Variants in CFAP20 observed in about 807,000 individuals in gnomAD.
The protein encoded by CFAP20 is cilia- and flagella-associated protein 20.
CFAP20 carries 14 observed loss-of-function variants against 25.5 expected under a neutral mutation model. The observed-to-expected ratio is 0.55, with a 90% CI of 0.36 to 0.86. CFAP20 has a LOEUF of 0.86. Ranked by LOEUF, CFAP20 falls within the 40% of genes least tolerant of loss-of-function variation. The pLI is 0.01. For synonymous variants in CFAP20, 75 were observed against 91.1 expected, an observed-to-expected ratio of 0.82 and a Z score of 1.01; for missense variants, 181 against 248.0, an observed-to-expected ratio of 0.73 and a Z score of 1.81.
chr16:58,124,399 A>T (rs1042850196), intron 1 of CFAP20, among the ~76,000 whole-genome samples: 31 of 152,226 alleles, frequency 2.0e-4, no homozygotes, highest in African/African-American at 7.2e-4. Context: ...TGCATTGCTT[A>T]AGGATGGGAT....
chr16:58,116,190 A>ACTCT (rs1440636502), intron 2 of CFAP20, 38 bp from the exon 3 acceptor site: 1 of 1,434,592 alleles, frequency 7.0e-7, no homozygotes, highest in African/African-American at 1.4e-5. Flanking sequence ...ACACTCCTGG[A>ACTCT]CTCTCTTCCT....
At position 58,116,872 on chromosome 16, in the gene CFAP20, C is replaced by T. The variant is rs375028807; in HGVS notation, c.164G>A (p.Ser55Asn). The change falls in exon 2 of 6, where the codon AGC (serine) becomes AAC (asparagine). Residue 55 changes from serine to asparagine, a missense_variant and splice_region_variant. By Grantham distance (46) the Ser-to-Asn change is conservative. Transcript: ENST00000262498. ...LVLEIEGTNVSTTYITCPADP... is the reference protein window; with the variant it reads ...LVLEIEGTNVNTTYITCPADP... Reference sequence around the variant, plus strand: ...TGGGAGAACAGAGGTGGCAACCTACCTTACATTTGTCCCTTCAATCTCTAG... The same window carrying T: ...TGGGAGAACAGAGGTGGCAACCTACTTTACATTTGTCCCTTCAATCTCTAG... 17 of 1,613,700 alleles carry T rather than the reference C, an allele frequency of 1.1e-5. No individual in the cohort carries two copies. The highest frequency in any genetic ancestry group is 1.4e-5 in the Non-Finnish European group (16 of 1,179,720).
At chr16:58,117,042 C>A in intron 1 of CFAP20, 91 bp from the exon 2 acceptor site, 1 of 1,184,504 alleles carries the variant, frequency 8.4e-7, no homozygotes, top group Non-Finnish European at 1.2e-6. Flanking sequence ...AAGAGGCGTA[C>A]AAAGAAATTT....
At chr16:58,124,804 T>G (rs1960589528) in intron 1 of CFAP20, among the ~76,000 whole-genome samples, 1 of 152,192 alleles carries the variant, frequency 6.6e-6, no homozygotes, top group Non-Finnish European at 1.5e-5. Flanking sequence ...TACAATACAT[T>G]TATTTTATTT....
intron 1 of CFAP20, among the ~76,000 whole-genome samples, chr16:58,121,729 G>C (rs1490662856): frequency 6.6e-6 from 1 of 151,974 alleles, no homozygotes; most frequent in Non-Finnish European, 1.5e-5. Flanking sequence ...ATGGTTGCTA[G>C]GGCAACTAAT....
At chr16:58,125,329 C>A (rs577055045) in intron 1 of CFAP20, among the ~76,000 whole-genome samples, 1 of 152,200 alleles carries the variant, frequency 6.6e-6, no homozygotes, top group Non-Finnish European at 1.5e-5. Context: ...TCCTGAAGGA[C>A]CTGCCTAAGG....
chr16:58,114,525 C>CAAAAAAAAAA (rs57272078), intron 5 of CFAP20, among the ~76,000 whole-genome samples: 3 of 129,004 alleles, frequency 2.3e-5, no homozygotes, highest in South Asian at 2.7e-4. Flanking sequence ...GACTCCATCT[C>CAAAAAAAAAA]AAAAAAAAAA....
Position 58,115,254 on chromosome 16 carries a change from G to C in CFAP20, c.465+15C>G, listed in dbSNP as rs746684277. The C allele has an allele frequency of 1.7e-5, 28 of 1,613,946 alleles. No homozygotes were observed. The highest frequency in any genetic ancestry group is 2.1e-5 in the Non-Finnish European group (25 of 1,180,010). On this transcript the variant is annotated intron_variant, in intron 4 of 5. Transcript: ENST00000262498. ...TATCCCCAACCCAGGGCTCTATCTG[G>C]GAAAGGAGCAGTACCTGCACTCTGA...
At chr16:58,121,483 A>G (rs1248693598) in intron 1 of CFAP20, among the ~76,000 whole-genome samples, 1 of 152,200 alleles carries the variant, frequency 6.6e-6, no homozygotes, top group Non-Finnish European at 1.5e-5. Flanking sequence ...CCCACTATCA[A>G]AGTGTGGCCT....
chr16:58,118,171 G>A (rs1960484679), intron 1 of CFAP20, among the ~76,000 whole-genome samples: 1 of 152,222 alleles, frequency 6.6e-6, no homozygotes, highest in Non-Finnish European at 1.5e-5. Flanking sequence ...ACAGAGATAT[G>A]CAAAGGCACT....
chr16:58,115,489 G>A (rs758769296), intron 3 of CFAP20, 32 bp from the exon 4 acceptor site: 1 of 1,606,868 alleles, frequency 6.2e-7, no homozygotes, highest in East Asian at 2.2e-5. Flanking sequence ...CATCACACTA[G>A]CTCTGTCTTG....
chr16:58,115,608 C>T (rs919925094), intron 3 of CFAP20, 151 bp from the exon 4 acceptor site: 8 of 857,240 alleles, frequency 9.3e-6, no homozygotes, highest in Non-Finnish European at 1.4e-5. Flanking sequence ...TCATACACTG[C>T]ATGCAGATGG....
At chr16:58,114,665 G>A in intron 5 of CFAP20, 145 bp downstream of exon 5, 1 of 623,326 alleles carries the variant, frequency 1.6e-6, no homozygotes, top group Non-Finnish European at 2.9e-6. Flanking sequence ...GTGCTGGAAG[G>A]AGACCTAAGA....
intron 1 of CFAP20, among the ~76,000 whole-genome samples, chr16:58,124,638 T>C (rs1960586238): frequency 1.3e-5 from 2 of 152,206 alleles, no homozygotes; most frequent in South Asian, 4.1e-4. Flanking sequence ...CAGTACTGTA[T>C]AAACGATAAA....
Position 58,129,292 on chromosome 16 carries a change from A to G in CFAP20, c.-177T>C. 6.4e-6 allele frequency: 4 copies of G among 625,624 alleles called. No individual in the cohort carries two copies. The highest frequency in any genetic ancestry group is 8.3e-6 in the Non-Finnish European group (3 of 359,962). 38.8% of individuals were successfully genotyped at this position (625,624 alleles called of 1,614,324 possible). On this transcript the variant is annotated 5_prime_UTR_variant, in exon 1 of 6. Coordinates refer to ENST00000262498, the MANE Select transcript of CFAP20 (RefSeq NM_013242.3). ...GGCCGGACTCGGACGCGGCAACGCT[A>G]AGTCCGCGATCTTCAGCTCCTAAGC...
chr16:58,114,186 TTG>T (rs1335483473), intron 5 of CFAP20, among the ~76,000 whole-genome samples, 156 bp from the exon 6 acceptor site: 1 of 152,208 alleles, frequency 6.6e-6, no homozygotes, highest in African/African-American at 2.4e-5. Flanking sequence ...GCACCCACCC[TTG>T]TGTTAGCAGG....
At position 58,120,697 on chromosome 16, in the gene CFAP20, G is replaced by A. The variant is rs76085986; in HGVS notation, c.85-3746C>T. Among the ~76,000 whole-genome samples, 474 of 152,314 alleles carry A rather than the reference G, an allele frequency of 3.1e-3. 13 individuals are homozygous for A. In the East Asian group the frequency reaches 0.077, roughly 25 times the overall value. Reference sequence around the variant, plus strand: ...ACTAAAGAGATTTCTTTTTCTCCCAGTGTTACTAGATAACAAACACACTCA... The same window carrying A: ...ACTAAAGAGATTTCTTTTTCTCCCAATGTTACTAGATAACAAACACACTCA... On this transcript the variant is annotated intron_variant, in intron 1 of 5. Transcript: ENST00000262498.
In CFAP20 at chr16:58,113,831, C is replaced by A; in HGVS notation, c.*194G>T. The A allele has an allele frequency of 4.7e-6, 3 of 634,630 alleles. No homozygotes were observed. The highest frequency in any genetic ancestry group is 5.7e-5 in the East Asian group (2 of 34,882). 39.3% of individuals were successfully genotyped at this position (634,630 alleles called of 1,614,324 possible). On this transcript the variant is annotated 3_prime_UTR_variant, in exon 6 of 6. Transcript: ENST00000262498. Reference sequence around the variant, plus strand: ...TGCGCCACTCACAGGACTGCTTACCCCCACTGCACTTACAATGCAGTCACA... The same window carrying A: ...TGCGCCACTCACAGGACTGCTTACCACCACTGCACTTACAATGCAGTCACA...
At position 58,117,578 on chromosome 16, in the gene CFAP20, A is replaced by C. The variant is rs117004237; in HGVS notation, c.85-627T>G. On this transcript the variant is annotated intron_variant, in intron 1 of 5. Coordinates refer to ENST00000262498, the MANE Select transcript of CFAP20 (RefSeq NM_013242.3). ...TGAGTAGCTGGGATTATAAGCGTGCAGCACCATGCCCAGCCGATTTTTTTT... is the reference window on the plus strand; with the variant it reads ...TGAGTAGCTGGGATTATAAGCGTGCCGCACCATGCCCAGCCGATTTTTTTT... Among the ~76,000 whole-genome samples, 1,439 of 151,642 alleles carry C rather than the reference A, an allele frequency of 9.5e-3. 10 individuals carry two copies. Among genetic ancestry groups the C allele is most frequent in the Middle Eastern group, 0.024 (7 of 292 alleles).
Sources: allele counts gnomAD v4.1 joint callset (sites outside exome capture counted in the v4.1 genomes callset), GRCh38; gene constraint gnomAD v4.1.1; transcripts MANE v1.5; gene names NCBI Gene and HGNC (gene_info 2026-07-23, HGNC 2026-07-21).